PLCL2: variants seen among roughly 807,000 people sequenced by gnomAD.
The protein encoded by PLCL2 is inactive phospholipase C-like protein 2.
In PLCL2, 4 loss-of-function variants were observed where a neutral mutation model predicts 79.6. That is an observed-to-expected ratio of 0.05 (90% CI 0.02 to 0.11). The LOEUF is 0.11. Among genes scored for constraint, PLCL2 ranks in the 10% least tolerant of loss-of-function variants. The probability of loss-of-function intolerance (pLI) is 1.00; values close to 1 mark genes in which losing one functional copy is unlikely to be tolerated. For synonymous variants in PLCL2, 484 were observed against 457.7 expected, an observed-to-expected ratio of 1.06 and a Z score of -0.73; for missense variants, 895 against 1,291.0, an observed-to-expected ratio of 0.69 and a Z score of 4.70.
Position 16,904,535 on chromosome 3 carries a change from A to C in PLCL2, c.327+19169A>C, listed in dbSNP as rs180674421. ...TCTTTCAATTCAAGGCTTTGCCATC[A>C]ACATGATGTGTATGCTGCTGAAAAA... On this transcript the variant is annotated intron_variant, in intron 1 of 5. Transcript: ENST00000615277. Among the ~76,000 whole-genome samples the C allele has an allele frequency of 5.1e-3, 769 of 152,262 alleles. 6 individuals are homozygous for C. Among genetic ancestry groups the C allele is most frequent in the Non-Finnish European group, 5.3e-3 (361 of 68,012 alleles).
intron 1 of PLCL2, among the ~76,000 whole-genome samples, chr3:16,941,944 A>G (rs73816262): frequency 0.18 from 27,594 of 151,968 alleles, 3,178 homozygotes; most frequent in African/African-American, 0.33. Context: ...CATGAATTGT[A>G]AACTCCTTAA....
intron 1 of PLCL2, among the ~76,000 whole-genome samples, chr3:16,967,494 G>A (rs1037439601): frequency 2.6e-5 from 4 of 152,072 alleles, no homozygotes; most frequent in Non-Finnish European, 5.9e-5. Context: ...TTGTGGTTTT[G>A]ATTTGCATTT....
chr3:17,053,698 T>C (rs1014914867), intron 4 of PLCL2, among the ~76,000 whole-genome samples: 2 of 152,190 alleles, frequency 1.3e-5, no homozygotes, highest in Non-Finnish European at 2.9e-5. Context: ...AATGGGGATA[T>C]AGGGATTGAG....
At chr3:16,970,589 G>A (rs2063851898) in intron 1 of PLCL2, among the ~76,000 whole-genome samples, 2 of 149,386 alleles carry the variant, frequency 1.3e-5, no homozygotes, top group African/African-American at 5.0e-5. Flanking sequence ...TAATGGGATG[G>A]CTGGGTCAAA....
At chr3:16,967,440 C>G (rs924543270) in intron 1 of PLCL2, among the ~76,000 whole-genome samples, 1 of 151,974 alleles carries the variant, frequency 6.6e-6, no homozygotes, top group African/African-American at 2.4e-5. Flanking sequence ...TATTTTTTGG[C>G]TTTTTAATAG....
chr3:17,079,642 C>T lies in PLCL2; in HGVS notation c.3205-10091C>T, dbSNP rs754027472. On this transcript the variant is annotated intron_variant, in intron 5 of 5. Coordinates refer to ENST00000615277, the MANE Select transcript of PLCL2 (RefSeq NM_001144382.2). ...TCCCCAATTCAGACACCGCCTCCTCCGTGGTGCTGCCGAGGAGCCCCCAAC... is the reference window on the plus strand; with the variant it reads ...TCCCCAATTCAGACACCGCCTCCTCTGTGGTGCTGCCGAGGAGCCCCCAAC... 5.3e-5 allele frequency among the ~76,000 whole-genome samples: 8 copies of T among 152,312 alleles called. 2 individuals carry two copies. The highest frequency in any genetic ancestry group is 1.5e-5 in the Non-Finnish European group (1 of 68,016).
chr3:17,048,386 C>T (rs776687244), intron 4 of PLCL2, among the ~76,000 whole-genome samples: 3 of 151,856 alleles, frequency 2.0e-5, no homozygotes, highest in Non-Finnish European at 4.4e-5. Context: ...GACAGATGAA[C>T]CATGTAGCAT....
intron 4 of PLCL2, among the ~76,000 whole-genome samples, chr3:17,043,354 G>C (rs553677306): frequency 1.3e-5 from 2 of 152,154 alleles, no homozygotes; most frequent in Non-Finnish European, 2.9e-5. Flanking sequence ...TTCTTGTAAA[G>C]GAGATGGATT....
At position 16,971,661 on chromosome 3, in the gene PLCL2, T is replaced by C. The variant is rs529518187; in HGVS notation, c.328-38013T>C. Among the ~76,000 whole-genome samples the C allele has an allele frequency of 3.5e-3, 536 of 152,338 alleles. 1 individual carries two copies. Among genetic ancestry groups the C allele is most frequent in the Non-Finnish European group, 6.4e-3 (437 of 68,034 alleles). On this transcript the variant is annotated intron_variant, in intron 1 of 5. Transcript: ENST00000615277. ...GGGCGATATGGCCATTTTCACGATA[T>C]TGATTCTTCCTACCCATGAGCATGG...
At chr3:16,891,148 G>C (rs987748074) in intron 1 of PLCL2, among the ~76,000 whole-genome samples, 1 of 152,206 alleles carries the variant, frequency 6.6e-6, no homozygotes, top group Non-Finnish European at 1.5e-5. Flanking sequence ...AGGCAGAATT[G>C]TGGTGGGAAC....
Position 16,937,594 on chromosome 3 carries a change from A to G in PLCL2, c.327+52228A>G, listed in dbSNP as rs144914364. ...ATAAGATTTGCTGTTGCGGCTTTCTATGGATGGTTGACCAATTCAGATGAA... is the reference window on the plus strand; with the variant it reads ...ATAAGATTTGCTGTTGCGGCTTTCTGTGGATGGTTGACCAATTCAGATGAA... On this transcript the variant is annotated intron_variant, in intron 1 of 5. Transcript: ENST00000615277. Among the ~76,000 whole-genome samples, 9 of 152,304 alleles carry G rather than the reference A, an allele frequency of 5.9e-5. No individual in the cohort carries two copies. In the East Asian group the frequency reaches 1.7e-3, roughly 29 times the overall value.
intron 3 of PLCL2, among the ~76,000 whole-genome samples, chr3:17,032,429 A>C (rs2064593614): frequency 6.6e-6 from 1 of 152,124 alleles, no homozygotes; most frequent in Non-Finnish European, 1.5e-5. Context: ...ACCCTAGTGC[A>C]TTCATTGTTT....
chr3:17,029,350 A>T (rs978502366), intron 3 of PLCL2, among the ~76,000 whole-genome samples: 2 of 151,586 alleles, frequency 1.3e-5, no homozygotes, highest in African/African-American at 2.4e-5. Flanking sequence ...CTTAAAAAAA[A>T]GAAAGAAAGA....
chr3:17,088,056 C>T (rs531929427), intron 5 of PLCL2, among the ~76,000 whole-genome samples: 8 of 152,258 alleles, frequency 5.3e-5, no homozygotes, highest in East Asian at 1.9e-4. Context: ...AGTTAATCTA[C>T]GCAAGGGAAC....
chr3:17,039,532 T>TTGGG (rs2064697306), intron 3 of PLCL2, among the ~76,000 whole-genome samples: 1 of 152,220 alleles, frequency 6.6e-6, no homozygotes, highest in South Asian at 2.1e-4. Flanking sequence ...ATTAATTTAA[T>TTGGG]TATAAATATG....
chr3:17,063,444 G>A (rs891787666), intron 4 of PLCL2, among the ~76,000 whole-genome samples: 1 of 149,524 alleles, frequency 6.7e-6, no homozygotes, highest in African/African-American at 2.5e-5. Context: ...TTCCTAATCG[G>A]ATTTTCTTCA....
At chr3:16,952,682 C>A (rs904318540) in intron 1 of PLCL2, among the ~76,000 whole-genome samples, 1 of 151,932 alleles carries the variant, frequency 6.6e-6, no homozygotes, top group Admixed American at 6.6e-5. Flanking sequence ...TAAGTATATG[C>A]ATACAATAAA....
chr3:17,090,082 T>C lies in PLCL2; in HGVS notation c.*170T>C. The C allele has an allele frequency of 2.3e-6, 3 of 1,327,614 alleles. No individual in the cohort carries two copies. The highest frequency in any genetic ancestry group is 2.9e-6 in the Non-Finnish European group (3 of 1,038,812). The allele number at this position is 1,327,614 out of a possible 1,614,324, so 82.2% of individuals were successfully genotyped here. A position where few individuals can be genotyped will look rare whatever the true frequency, so the allele number is the denominator to read the frequency against. On this transcript the variant is annotated 3_prime_UTR_variant, in exon 6 of 6. Transcript: ENST00000615277. ...TGTGAATGTATGTAGCAATCCTGCG[T>C]GTGAAGGCAAATAAACTCTTTAACA... is the stretch of plus-strand genomic sequence containing the variant.
chr3:17,049,277 T>G (rs1348105377), intron 4 of PLCL2, among the ~76,000 whole-genome samples: 1 of 152,182 alleles, frequency 6.6e-6, no homozygotes, highest in African/African-American at 2.4e-5. Flanking sequence ...TTGATAATTT[T>G]AGAAAGAGGT....
Sources: allele counts gnomAD v4.1 joint callset (sites outside exome capture counted in the v4.1 genomes callset), GRCh38; gene constraint gnomAD v4.1.1; transcripts MANE v1.5; gene names NCBI Gene and HGNC (gene_info 2026-07-23, HGNC 2026-07-21).